The following GTF2I variants were observed in gnomAD, a reference collection of about 807,000 sequenced individuals.
The protein encoded by GTF2I is general transcription factor II-I.
A neutral mutation model predicts 67.6 loss-of-function variants in GTF2I; 12 were observed. That is an observed-to-expected ratio of 0.18 (90% CI 0.11 to 0.29). The LOEUF is 0.29. Ranked by LOEUF, GTF2I falls within the 10% of genes least tolerant of loss-of-function variation. GTF2I has a pLI of 1.00. For missense variants in GTF2I, 271 were observed against 580.1 expected (o/e 0.47, Z 5.47); for synonymous variants, 149 against 197.0 (o/e 0.76, Z 2.04).
intron 1 of GTF2I, among the ~76,000 whole-genome samples, chr7:74,666,764 G>A (rs947405280): frequency 8.7e-5 from 13 of 149,126 alleles, no homozygotes; most frequent in Non-Finnish European, 1.6e-4. Context: ...TCAGGAGATC[G>A]AGACCATCAT....
chr7:74,728,227 A>G (rs1310840356), intron 12 of GTF2I, among the ~76,000 whole-genome samples: 1 of 152,156 alleles, frequency 6.6e-6, no homozygotes, highest in African/African-American at 2.4e-5. Context: ...GCTTGAGCCC[A>G]GGAGGTGGAG....
At chr7:74,662,296 G>A (rs1804576217) in intron 1 of GTF2I, among the ~76,000 whole-genome samples, 2 of 129,424 alleles carry the variant, frequency 1.5e-5, no homozygotes, top group Admixed American at 1.8e-4. Context: ...TGCAACTTAC[G>A]CCCCCCCAGG....
In GTF2I at chr7:74,661,844, A is replaced by C. The variant is rs922304333; in HGVS notation, c.-6+3776A>C. On this transcript the variant is annotated intron_variant, in intron 1 of 34. Coordinates refer to ENST00000573035, the MANE Select transcript of GTF2I (RefSeq NM_032999.4). ...AGTTTAAAAAGGGGCCATGGATTTAAGTGTGGAATAAAATGGGAAATCTTT... is the reference window on the plus strand; with the variant it reads ...AGTTTAAAAAGGGGCCATGGATTTACGTGTGGAATAAAATGGGAAATCTTT... 5.3e-5 allele frequency among the ~76,000 whole-genome samples: 8 copies of C among 152,298 alleles called. No homozygotes were observed. The South Asian group carries it at 1.4e-3, about 28-fold the overall frequency.
chr7:74,697,761 T>G (rs1789089884), intron 3 of GTF2I, among the ~76,000 whole-genome samples: 1 of 152,116 alleles, frequency 6.6e-6, no homozygotes, highest in African/African-American at 2.4e-5. Flanking sequence ...AATCTCCATC[T>G]CCCTGCCTTT....
intron 9 of GTF2I, among the ~76,000 whole-genome samples, chr7:74,711,506 A>G (rs1791537449): frequency 6.6e-6 from 1 of 152,212 alleles, no homozygotes; most frequent in Admixed American, 6.5e-5. Flanking sequence ...TTTGCCATCT[A>G]CATATCTAAT....
At chr7:74,714,552 T>G (rs1308129909) in intron 9 of GTF2I, among the ~76,000 whole-genome samples, 2 of 152,026 alleles carry the variant, frequency 1.3e-5, no homozygotes, top group Admixed American at 1.3e-4. Context: ...TTATGAACAT[T>G]GTACTGTTTT....
intron 3 of GTF2I, among the ~76,000 whole-genome samples, chr7:74,693,292 T>C (rs1347714933): frequency 5.4e-5 from 8 of 147,540 alleles, no homozygotes; most frequent in Non-Finnish European, 1.2e-4. Context: ...TTTTTTTTTT[T>C]TGAGATGGAG....
intron 1 of GTF2I, among the ~76,000 whole-genome samples, chr7:74,678,314 C>T (rs1400481523): frequency 1.3e-5 from 2 of 151,074 alleles, no homozygotes; most frequent in African/African-American, 4.9e-5. Flanking sequence ...GGACAATATC[C>T]TAGTGGCAAT....
chr7:74,726,182 G>A (rs1223166136), intron 12 of GTF2I, among the ~76,000 whole-genome samples: 1 of 152,018 alleles, frequency 6.6e-6, no homozygotes, highest in Non-Finnish European at 1.5e-5. Flanking sequence ...TAACCTATAG[G>A]GGAAATACTT....
chr7:74,702,737 CTT>C (rs782239295), intron 6 of GTF2I, among the ~76,000 whole-genome samples: 28 of 141,924 alleles, frequency 2.0e-4, no homozygotes, highest in Admixed American at 2.8e-4. Flanking sequence ...TTCTTTCTTT[CTT>C]TTTTTTTTTT....
chr7:74,737,214 T>C (rs1159442851), intron 18 of GTF2I, among the ~76,000 whole-genome samples: 3 of 147,860 alleles, frequency 2.0e-5, no homozygotes, highest in Non-Finnish European at 4.5e-5. Flanking sequence ...AAAAAAAAAA[T>C]AGAAAAATGC....
chr7:74,678,640 TA>T (rs375317422), intron 1 of GTF2I, among the ~76,000 whole-genome samples: 198 of 152,326 alleles, frequency 1.3e-3, no homozygotes, highest in African/African-American at 4.1e-3. Flanking sequence ...AAGGTTTTAC[TA>T]ATTTAAACTA....
chr7:74,700,584 G>T, intron 5 of GTF2I, 22 bp from the exon 6 acceptor site: 1 of 1,613,596 alleles, frequency 6.2e-7, no homozygotes, highest in Non-Finnish European at 8.5e-7. Context: ...ACGAAGTTTT[G>T]TTTTGTTTTG....
At chr7:74,683,380 A>G (rs1306500701) in intron 1 of GTF2I, among the ~76,000 whole-genome samples, 1 of 152,230 alleles carries the variant, frequency 6.6e-6, no homozygotes, top group Non-Finnish European at 1.5e-5. Context: ...AAAGAATATA[A>G]TTGTCAACCT....
intron 8 of GTF2I, among the ~76,000 whole-genome samples, chr7:74,710,654 A>C (rs981025661): frequency 6.6e-6 from 1 of 152,208 alleles, no homozygotes; most frequent in African/African-American, 2.4e-5. Flanking sequence ...CCATTATGCT[A>C]TCTCTCCTTT....
At position 74,671,079 on chromosome 7, in the gene GTF2I, C is replaced by CTT. The variant is rs869137920; in HGVS notation, c.-6+13035_-6+13036dup. 8.3e-3 allele frequency among the ~76,000 whole-genome samples: 511 copies of CTT among 61,760 alleles called. 1 individual carries two copies. Among genetic ancestry groups the CTT allele is most frequent in the Non-Finnish European group, 9.2e-3 (340 of 36,774 alleles). The allele number at this position is 61,760 out of a possible 152,430, so 40.5% of individuals were successfully genotyped here. A position where few individuals can be genotyped will look rare whatever the true frequency, so the allele number is the denominator to read the frequency against. On this transcript the variant is annotated intron_variant, in intron 1 of 34. Coordinates refer to ENST00000573035, the MANE Select transcript of GTF2I (RefSeq NM_032999.4). ...TTGTGATCCACTGATTGGGCAGATC[C>CTT]TTTTTTTTTTTTTTTTTTTTTTTTT... is the stretch of plus-strand genomic sequence containing the variant.
At chr7:74,701,212 A>G (rs1789691434) in intron 6 of GTF2I, among the ~76,000 whole-genome samples, 1 of 152,210 alleles carries the variant, frequency 6.6e-6, no homozygotes, top group Admixed American at 6.6e-5. Flanking sequence ...AAGTCTAGCC[A>G]TTTCATTTGA....
chr7:74,717,149 C>A (rs1316745592), intron 11 of GTF2I, 199 bp downstream of exon 11: 1 of 557,268 alleles, frequency 1.8e-6, no homozygotes, highest in Non-Finnish European at 2.8e-6. Context: ...TTAATAAAGC[C>A]TATGGGAATG....
chr7:74,732,099 A>G (rs1554406796), intron 14 of GTF2I, among the ~76,000 whole-genome samples: 2 of 148,494 alleles, frequency 1.3e-5, no homozygotes, highest in Non-Finnish European at 3.0e-5. Context: ...GTATATATAT[A>G]CACACATATA....
Sources: gnomAD v4.1 joint callset for allele counts (sites outside exome capture counted in the v4.1 genomes callset) on GRCh38, gnomAD v4.1.1 for gene constraint, MANE v1.5 for transcripts, NCBI Gene and HGNC (gene_info 2026-07-23, HGNC 2026-07-21) for gene names.